Variants in NXPH2 observed in about 807,000 individuals in gnomAD.
NXPH2 encodes the protein neurexophilin 2, also known as neurexophilin-2.
A neutral mutation model predicts 19.8 loss-of-function variants in NXPH2; 5 were observed. The ratio of observed to expected loss-of-function variants is 0.25; its 90% CI spans 0.13 to 0.53. NXPH2 has a LOEUF of 0.53. Ranked by LOEUF, NXPH2 falls within the 20% of genes least tolerant of loss-of-function variation. NXPH2 has a pLI of 0.96. For synonymous variants in NXPH2, 154 were observed against 127.4 expected, an observed-to-expected ratio of 1.21 and a Z score of -1.41; for missense variants, 289 against 322.8, an observed-to-expected ratio of 0.90 and a Z score of 0.80.
intron 1 of NXPH2, among the ~76,000 whole-genome samples, chr2:138,713,914 C>T (rs1041799815): frequency 7.3e-5 from 11 of 151,402 alleles, no homozygotes; most frequent in African/African-American, 2.4e-4. Context: ...TTCCTATTGG[C>T]ACATTCCTAT....
chr2:138,733,709 T>C (rs1401911354), intron 1 of NXPH2, among the ~76,000 whole-genome samples: 4 of 152,120 alleles, frequency 2.6e-5, no homozygotes, highest in Non-Finnish European at 2.9e-5. Context: ...GTACAGACTA[T>C]AGGTGACTAT....
chr2:138,698,566 G>T (rs1324076638), intron 1 of NXPH2, among the ~76,000 whole-genome samples: 1 of 152,100 alleles, frequency 6.6e-6, no homozygotes, highest in East Asian at 1.9e-4. Context: ...ATTTAATGTG[G>T]CATCAGGGCC....
chr2:138,707,107 A>AAAAAAAAAAAAAAAAAAAAAAAAAAAAC (rs1558918445), intron 1 of NXPH2, among the ~76,000 whole-genome samples: 4 of 146,534 alleles, frequency 2.7e-5, no homozygotes, highest in African/African-American at 1.0e-4. Context: ...AAAAAAAAAA[A>AAAAAAAAAAAAAAAAAAAAAAAAAAAAC]AAAAAGAGCA....
At chr2:138,768,769 A>T (rs1682129793) in intron 1 of NXPH2, among the ~76,000 whole-genome samples, 1 of 152,238 alleles carries the variant, frequency 6.6e-6, no homozygotes, top group African/African-American at 2.4e-5. Context: ...TCATTTGTTA[A>T]GCTAATGTTA....
At chr2:138,721,435 T>C (rs1450923782) in intron 1 of NXPH2, among the ~76,000 whole-genome samples, 1 of 151,792 alleles carries the variant, frequency 6.6e-6, no homozygotes, top group Non-Finnish European at 1.5e-5. Context: ...ATATGCTAGG[T>C]CATGAAATCA....
At chr2:138,678,172 A>G (rs1680515006) in intron 1 of NXPH2, among the ~76,000 whole-genome samples, 1 of 152,162 alleles carries the variant, frequency 6.6e-6, no homozygotes, top group South Asian at 2.1e-4. Context: ...TTTCTGAAGT[A>G]CCTGGCAGAT....
At chr2:138,701,814 C>T (rs187800599) in intron 1 of NXPH2, among the ~76,000 whole-genome samples, 2 of 152,296 alleles carry the variant, frequency 1.3e-5, no homozygotes, top group Non-Finnish European at 2.9e-5. Flanking sequence ...AAACTTGCCT[C>T]ATTCATCTGG....
intron 1 of NXPH2, among the ~76,000 whole-genome samples, chr2:138,743,813 G>A (rs1186592647): frequency 6.6e-6 from 1 of 151,964 alleles, no homozygotes; most frequent in Non-Finnish European, 1.5e-5. Context: ...GACTAGCCTG[G>A]CCAAGATGAT....
intron 1 of NXPH2, among the ~76,000 whole-genome samples, chr2:138,700,037 C>T (rs918910318): frequency 2.0e-5 from 3 of 152,062 alleles, no homozygotes; most frequent in Non-Finnish European, 4.4e-5. Context: ...TTTCCTATTT[C>T]CCAGTAAGCC....
intron 1 of NXPH2, among the ~76,000 whole-genome samples, chr2:138,728,866 C>T (rs896626101): frequency 6.6e-6 from 1 of 152,172 alleles, no homozygotes; most frequent in African/African-American, 2.4e-5. Context: ...ATCGTCTAGT[C>T]TAAATGTCGG....
chr2:138,729,641 G>A (rs182668593), intron 1 of NXPH2, among the ~76,000 whole-genome samples: 192 of 152,202 alleles, frequency 1.3e-3, no homozygotes, highest in Non-Finnish European at 2.1e-3. Context: ...CTCAAATCAC[G>A]AATCTCTGCC....
At chr2:138,737,359 G>C (rs1045346992) in intron 1 of NXPH2, among the ~76,000 whole-genome samples, 1 of 152,172 alleles carries the variant, frequency 6.6e-6, no homozygotes, top group African/African-American at 2.4e-5. Context: ...AAGAGAGTGA[G>C]AGCCAAGCGA....
At chr2:138,729,074 C>A (rs17657398) in intron 1 of NXPH2, among the ~76,000 whole-genome samples, 3,455 of 152,246 alleles carry the variant, frequency 0.023, 65 homozygotes, top group Middle Eastern at 0.048. Context: ...TCATAGATTA[C>A]AATGTATGGT....
chr2:138,681,869 T>C (rs1030344984), intron 1 of NXPH2, among the ~76,000 whole-genome samples: 5 of 152,338 alleles, frequency 3.3e-5, no homozygotes, highest in Middle Eastern at 3.4e-3. Context: ...CATGGTGTTG[T>C]TAACGATGGG....
chr2:138,679,137 A>G (rs1430199979), intron 1 of NXPH2, among the ~76,000 whole-genome samples: 1 of 152,252 alleles, frequency 6.6e-6, no homozygotes, highest in East Asian at 1.9e-4. Context: ...AGATTTCTCC[A>G]CACTCACTGA....
intron 1 of NXPH2, among the ~76,000 whole-genome samples, chr2:138,704,571 A>T (rs1289185264): frequency 2.0e-5 from 3 of 152,198 alleles, no homozygotes; most frequent in African/African-American, 7.2e-5. Flanking sequence ...CAATTAAATC[A>T]GAAGGAGGGG....
chr2:138,727,672 G>A (rs373688505), intron 1 of NXPH2, among the ~76,000 whole-genome samples: 11 of 116,234 alleles, frequency 9.5e-5, no homozygotes, highest in African/African-American at 1.3e-4. Flanking sequence ...GCGGTGAGGC[G>A]GGGGGGGTTC....
intron 1 of NXPH2, among the ~76,000 whole-genome samples, chr2:138,731,511 T>A (rs999169090): frequency 6.6e-6 from 1 of 152,118 alleles, no homozygotes; most frequent in Non-Finnish European, 1.5e-5. Flanking sequence ...GCTTTGACAA[T>A]TTAAGGTAAG....
intron 1 of NXPH2, among the ~76,000 whole-genome samples, chr2:138,756,033 A>G (rs1032445217): frequency 6.6e-6 from 1 of 152,014 alleles, no homozygotes; most frequent in Non-Finnish European, 1.5e-5. Context: ...AGACCTTGCC[A>G]TACTCACTTA....
Sources: allele counts gnomAD v4.1 joint callset (sites outside exome capture counted in the v4.1 genomes callset), GRCh38; gene constraint gnomAD v4.1.1; transcripts MANE v1.5; gene names NCBI Gene and HGNC (gene_info 2026-07-23, HGNC 2026-07-21).